Variants in RORA observed in about 807,000 individuals in gnomAD.
RORA encodes the protein RAR related orphan receptor A.
Under a neutral mutation model 69.5 loss-of-function variants are expected in RORA, and 7 were observed. That is an observed-to-expected ratio of 0.10 (90% CI 0.06 to 0.19). The LOEUF is 0.19. Ranked by LOEUF, RORA falls within the 10% of genes least tolerant of loss-of-function variation. The pLI is 1.00. For synonymous variants in RORA, 261 were observed against 240.8 expected, an observed-to-expected ratio of 1.08 and a Z score of -0.78; for missense variants, 457 against 663.0, an observed-to-expected ratio of 0.69 and a Z score of 3.41.
intron 2 of RORA, among the ~76,000 whole-genome samples, chr15:60,625,274 T>A (rs2069543964): frequency 7.0e-6 from 1 of 143,718 alleles, no homozygotes; most frequent in Non-Finnish European, 1.5e-5. Context: ...AAAACAAATC[T>A]TTTTTTTTGT....
At chr15:60,959,869 A>C (rs1365712474) in intron 1 of RORA, among the ~76,000 whole-genome samples, 3 of 152,132 alleles carry the variant, frequency 2.0e-5, no homozygotes, top group African/African-American at 7.2e-5. Context: ...ATATCTGTGA[A>C]AAATCTCTCA....
chr15:60,566,757 G>T lies in RORA; in HGVS notation c.197-34906C>A, dbSNP rs539087426. Among the ~76,000 whole-genome samples the T allele has an allele frequency of 5.3e-5, 8 of 152,266 alleles. No homozygotes were observed. In the East Asian group the frequency reaches 1.4e-3, roughly 26 times the overall value. On this transcript the variant is annotated intron_variant, in intron 2 of 10. Coordinates refer to ENST00000335670, the MANE Select transcript of RORA (RefSeq NM_134261.3). ...CACTTCCCTAGGCAGTGAAAGTTGCGATGGGAGTGAAGAAAAGCCAAGGAG... is the reference window on the plus strand; with the variant it reads ...CACTTCCCTAGGCAGTGAAAGTTGCTATGGGAGTGAAGAAAAGCCAAGGAG...
At chr15:61,193,616 T>G (rs934082022) in intron 1 of RORA, among the ~76,000 whole-genome samples, 1 of 152,230 alleles carries the variant, frequency 6.6e-6, no homozygotes, top group African/African-American at 2.4e-5. Flanking sequence ...GAGTCTGTTT[T>G]TCTCATTTGA....
intron 1 of RORA, among the ~76,000 whole-genome samples, chr15:60,878,461 C>T (rs1004189650): frequency 4.6e-5 from 7 of 152,068 alleles, no homozygotes; most frequent in African/African-American, 1.7e-4. Context: ...TGGCATTACC[C>T]AGTTGGTGGC....
rs1341378791 is a variant in RORA at position 60,597,552 on chromosome 15, AT to A, written c.197-65702del. Among the ~76,000 whole-genome samples the A allele has an allele frequency of 8.7e-3, 189 of 21,662 alleles. 2 individuals are homozygous for A. Among genetic ancestry groups the A allele is most frequent in the Middle Eastern group, 0.021 (1 of 48 alleles). 14.2% of individuals were successfully genotyped at this position (21,662 alleles called of 152,430 possible). A position where few individuals can be genotyped will look rare whatever the true frequency, so the allele number is the denominator to read the frequency against. On this transcript the variant is annotated intron_variant, in intron 2 of 10. Coordinates refer to ENST00000335670, the MANE Select transcript of RORA (RefSeq NM_134261.3). ...ACACACACACACACACACACACAAC[AT>A]ATATATATATATATATATATACACA...
intron 1 of RORA, among the ~76,000 whole-genome samples, chr15:60,829,117 C>G (rs572218397): frequency 6.6e-6 from 1 of 152,232 alleles, no homozygotes; most frequent in Admixed American, 6.5e-5. Flanking sequence ...GGAGGAGATG[C>G]CTTTCTTCTG....
At position 61,061,544 on chromosome 15, in the gene RORA, G is replaced by A. The variant is rs898301489; in HGVS notation, c.166+167509C>T. 8.5e-5 allele frequency among the ~76,000 whole-genome samples: 13 copies of A among 152,058 alleles called. No homozygotes were observed. The highest frequency in any genetic ancestry group is 1.3e-4 in the Non-Finnish European group (9 of 68,012). On this transcript the variant is annotated intron_variant, in intron 1 of 10. Coordinates refer to ENST00000335670, the MANE Select transcript of RORA (RefSeq NM_134261.3). The surrounding 1 kb of genome is among the most constrained non-coding windows in gnomAD (Gnocchi z 4.4). ...CTGACCTCGCCCCTCATTCTAAAGT[G>A]TAATTCCCAGATTTTCAGTAACTTA...
At chr15:60,890,411 A>T (rs992023722) in intron 1 of RORA, among the ~76,000 whole-genome samples, 3 of 152,238 alleles carry the variant, frequency 2.0e-5, no homozygotes, top group Non-Finnish European at 4.4e-5. Context: ...CATGCTTGCC[A>T]TCAAGAGGTG....
intron 2 of RORA, among the ~76,000 whole-genome samples, chr15:60,600,775 C>G (rs2140553733): frequency 6.6e-6 from 1 of 151,898 alleles, no homozygotes; most frequent in Admixed American, 6.6e-5. Context: ...GCCTTGTGTC[C>G]TCAAAAATAA....
chr15:61,023,846 G>A (rs1895663100), intron 1 of RORA, among the ~76,000 whole-genome samples: 1 of 152,112 alleles, frequency 6.6e-6, no homozygotes, highest in Admixed American at 6.5e-5. Flanking sequence ...TTATCACACT[G>A]TCTTCATCAG....
At chr15:61,203,831 C>T (rs2079915930) in intron 1 of RORA, among the ~76,000 whole-genome samples, 1 of 152,176 alleles carries the variant, frequency 6.6e-6, no homozygotes, top group Admixed American at 6.5e-5. Context: ...AAAGGAACAA[C>T]AATATGACTG....
intron 1 of RORA, among the ~76,000 whole-genome samples, chr15:60,955,274 C>T (rs1893233754): frequency 6.6e-6 from 1 of 152,092 alleles, no homozygotes; most frequent in African/African-American, 2.4e-5. Flanking sequence ...TGCACTCCAG[C>T]CTGGGTGACA....
At chr15:60,926,651 T>C (rs1048932126) in intron 1 of RORA, among the ~76,000 whole-genome samples, 1 of 152,258 alleles carries the variant, frequency 6.6e-6, no homozygotes, top group African/African-American at 2.4e-5. Context: ...TATATGCACA[T>C]GGATGCTCCT....
At chr15:61,175,278 G>A (rs1191991350) in intron 1 of RORA, among the ~76,000 whole-genome samples, 2 of 152,134 alleles carry the variant, frequency 1.3e-5, no homozygotes, top group Non-Finnish European at 2.9e-5. Flanking sequence ...TCAAATTTAG[G>A]AAATAGTACA....
intron 2 of RORA, among the ~76,000 whole-genome samples, chr15:60,595,492 G>A (rs1394989217): frequency 6.6e-6 from 1 of 151,840 alleles, no homozygotes; most frequent in Non-Finnish European, 1.5e-5. Context: ...TCCAGCCTGG[G>A]CGACAGAGCA....
intron 1 of RORA, among the ~76,000 whole-genome samples, chr15:61,182,481 TC>T (rs778464861): frequency 2.6e-5 from 4 of 152,190 alleles, no homozygotes; most frequent in Admixed American, 6.5e-5. Context: ...CCTGGGAACA[TC>T]CATGGTGTGT....
At chr15:60,638,594 C>G (rs1052319347) in intron 2 of RORA, among the ~76,000 whole-genome samples, 2 of 152,068 alleles carry the variant, frequency 1.3e-5, no homozygotes, top group African/African-American at 2.4e-5. Flanking sequence ...GAAAATGAGA[C>G]AGGACATAGC....
chr15:60,752,222 G>A (rs1286778724), intron 1 of RORA, among the ~76,000 whole-genome samples: 1 of 152,030 alleles, frequency 6.6e-6, no homozygotes, highest in Admixed American at 6.6e-5. Flanking sequence ...AAAATTTTGC[G>A]CACCAACAAA....
intron 1 of RORA, among the ~76,000 whole-genome samples, chr15:60,709,150 A>G (rs1279914898): frequency 2.6e-5 from 4 of 152,202 alleles, no homozygotes; most frequent in African/African-American, 9.7e-5. Context: ...ATTCTACAAT[A>G]TAACACACCC....
Sources: gnomAD v4.1 joint callset for allele counts (sites outside exome capture counted in the v4.1 genomes callset) on GRCh38, gnomAD v4.1.1 for gene constraint, Gnocchi (gnomAD v3.1) non-coding constraint, MANE v1.5 for transcripts, NCBI Gene and HGNC (gene_info 2026-07-23, HGNC 2026-07-21) for gene names.